THSD7B: variants seen among roughly 807,000 people sequenced by gnomAD.
THSD7B encodes thrombospondin type-1 domain-containing protein 7B.
In THSD7B, 138 loss-of-function variants were observed where a neutral mutation model predicts 213.6. The ratio of observed to expected loss-of-function variants is 0.65; its 90% confidence interval spans 0.56 to 0.74. THSD7B has a LOEUF of 0.74. Among genes scored for constraint, THSD7B ranks in the 30% least tolerant of loss-of-function variants. The probability of loss-of-function intolerance (pLI) is 0.00; values close to 1 mark genes in which losing one functional copy is unlikely to be tolerated. For synonymous variants in THSD7B, 742 were observed against 687.0 expected (o/e 1.08, Z -1.25); for missense variants, 1,931 against 1,991.5 (o/e 0.97, Z 0.58).
intron 2 of THSD7B, among the ~76,000 whole-genome samples, chr2:137,012,253 G>A (rs1216521448): frequency 6.6e-6 from 1 of 152,186 alleles, no homozygotes; most frequent in Non-Finnish European, 1.5e-5. Context: ...TTTTCCAAAA[G>A]AAATTATCAG....
intron 10 of THSD7B, among the ~76,000 whole-genome samples, chr2:137,249,316 T>C (rs1339123715): frequency 1.3e-5 from 2 of 152,038 alleles, no homozygotes; most frequent in African/African-American, 4.8e-5. Context: ...AGTTATCAGA[T>C]TTGGTTTAAA....
chr2:137,418,332 T>C (rs7568238), intron 14 of THSD7B, among the ~76,000 whole-genome samples: 1 of 152,060 alleles, frequency 6.6e-6, no homozygotes, highest in Non-Finnish European at 1.5e-5. Context: ...CAAATCTGAT[T>C]ATCACTCCCG....
At chr2:137,605,648 CTTTTTTTTTTTTTTTTTT>C (rs34604281) in intron 17 of THSD7B, among the ~76,000 whole-genome samples, 7,651 of 68,682 alleles carry the variant, frequency 0.11, 335 homozygotes, top group South Asian at 0.18. Flanking sequence ...GCACTTCGCA[CTTTTTTTTTTTTTTTTTT>C]TTTTTTTTTT....
intron 1 of THSD7B, among the ~76,000 whole-genome samples, chr2:136,836,364 T>G (rs991571723): frequency 6.6e-6 from 1 of 152,194 alleles, no homozygotes; most frequent in African/African-American, 2.4e-5. Flanking sequence ...AGAGAGAGCC[T>G]TTTTTCATCT....
chr2:136,813,717 C>T (rs774267536), intron 1 of THSD7B, among the ~76,000 whole-genome samples: 13 of 152,010 alleles, frequency 8.6e-5, no homozygotes, highest in East Asian at 1.9e-4. Flanking sequence ...AGAAGCACAG[C>T]GTGAAATAAC....
chr2:137,285,837 C>T (rs1270959703), intron 12 of THSD7B, among the ~76,000 whole-genome samples: 1 of 152,074 alleles, frequency 6.6e-6, no homozygotes, highest in Non-Finnish European at 1.5e-5. Context: ...GGCGCAGTGG[C>T]TCACACCTGT....
At position 137,226,501 on chromosome 2, in the gene THSD7B, G is replaced by T. The variant is rs557505225; in HGVS notation, c.1724-4543G>T. ...GCTATTTATATTTTATTTTTAATTG[G>T]TATATACATTTGAACTGAAAAAAAG... On this transcript the variant is annotated intron_variant, in intron 7 of 27. Coordinates refer to ENST00000409968, the MANE Select transcript of THSD7B (RefSeq NM_001316349.2). 6.0e-4 allele frequency among the ~76,000 whole-genome samples: 91 copies of T among 150,832 alleles called. 2 individuals are homozygous for T. The highest frequency in any genetic ancestry group is 7.7e-4 in the Non-Finnish European group (52 of 67,520).
At chr2:136,960,546 G>A (rs937188930) in intron 2 of THSD7B, among the ~76,000 whole-genome samples, 1 of 152,132 alleles carries the variant, frequency 6.6e-6, no homozygotes, top group African/African-American at 2.4e-5. Context: ...GAACTTTCCT[G>A]TGGGCTTTTT....
intron 2 of THSD7B, among the ~76,000 whole-genome samples, chr2:136,911,981 A>G (rs1325034630): frequency 6.6e-6 from 1 of 152,088 alleles, no homozygotes; most frequent in African/African-American, 2.4e-5. Context: ...TGATGGATTG[A>G]TGGGCTGTTG....
intron 2 of THSD7B, among the ~76,000 whole-genome samples, chr2:136,912,821 A>G (rs1684287792): frequency 6.6e-6 from 1 of 152,196 alleles, no homozygotes; most frequent in African/African-American, 2.4e-5. Context: ...GTGGAACAGT[A>G]AGTCCAATTA....
intron 15 of THSD7B, among the ~76,000 whole-genome samples, chr2:137,558,071 A>T (rs1268381070): frequency 1.3e-5 from 2 of 152,232 alleles, no homozygotes; most frequent in African/African-American, 2.4e-5. Flanking sequence ...GCAATAATTA[A>T]TAGCTTACCA....
intron 2 of THSD7B, among the ~76,000 whole-genome samples, chr2:137,046,797 C>T (rs561336944): frequency 6.7e-6 from 1 of 149,940 alleles, no homozygotes; most frequent in Admixed American, 6.6e-5. Context: ...TTGGAAGGAG[C>T]TTGGCTTATT....
intron 5 of THSD7B, among the ~76,000 whole-genome samples, chr2:137,117,067 G>C (rs1019830871): frequency 2.6e-5 from 4 of 152,170 alleles, no homozygotes. Context: ...GTACAGAGCT[G>C]AATATAGTGA....
At chr2:137,622,021 C>G (rs72844540) in intron 20 of THSD7B, among the ~76,000 whole-genome samples, 1 of 152,026 alleles carries the variant, frequency 6.6e-6, no homozygotes, top group African/African-American at 2.4e-5. Context: ...TATCCCTGCA[C>G]GAGTGAGAAC....
intron 15 of THSD7B, among the ~76,000 whole-genome samples, chr2:137,518,178 C>T (rs1220920150): frequency 6.6e-6 from 1 of 152,162 alleles, no homozygotes; most frequent in African/African-American, 2.4e-5. Context: ...GCCTTCTCTT[C>T]CCCAGCCTGC....
At chr2:137,110,170 C>T (rs1027088715) in intron 4 of THSD7B, among the ~76,000 whole-genome samples, 1 of 152,174 alleles carries the variant, frequency 6.6e-6, no homozygotes, top group Admixed American at 6.5e-5. Flanking sequence ...TGTATTGATG[C>T]ATTTATGTCT....
Position 137,239,331 on chromosome 2 carries a change from A to T in THSD7B, c.2151-3126A>T, listed in dbSNP as rs1210662313. Among the ~76,000 whole-genome samples the T allele has an allele frequency of 1.9e-4, 29 of 152,260 alleles. 1 individual carries two copies. Among genetic ancestry groups the T allele is most frequent in the Non-Finnish European group, 4.4e-5 (3 of 68,030 alleles). ...TGAATTTTTTTTCTGTCTCTCTCTG[A>T]ATTTTGATTGGGAAAACAGACACAT... On this transcript the variant is annotated intron_variant, in intron 9 of 27. Coordinates refer to ENST00000409968, the MANE Select transcript of THSD7B (RefSeq NM_001316349.2).
At chr2:137,228,911 T>C (rs1464215734) in intron 7 of THSD7B, among the ~76,000 whole-genome samples, 1 of 152,220 alleles carries the variant, frequency 6.6e-6, no homozygotes, top group Non-Finnish European at 1.5e-5. Context: ...CAAATAGTAG[T>C]TAACAATTTC....
chr2:137,316,936 C>T (rs746128425), intron 12 of THSD7B, among the ~76,000 whole-genome samples: 1 of 152,036 alleles, frequency 6.6e-6, no homozygotes, highest in Non-Finnish European at 1.5e-5. Flanking sequence ...AAGGTTTTTA[C>T]TCCTCTGAGT....
Sources: gnomAD v4.1 joint callset for allele counts (sites outside exome capture counted in the v4.1 genomes callset) on GRCh38, gnomAD v4.1.1 for gene constraint, MANE v1.5 for transcripts, NCBI Gene and HGNC (gene_info 2026-07-23, HGNC 2026-07-21) for gene names.